CACNG2: variants seen among roughly 807,000 people sequenced by gnomAD.
CACNG2 encodes the protein voltage-dependent calcium channel gamma-2 subunit.
In CACNG2, 3 loss-of-function variants were observed where a neutral mutation model predicts 25.9. The ratio of observed to expected loss-of-function variants is 0.12; its 90% CI spans 0.05 to 0.30. CACNG2 has a LOEUF of 0.30. CACNG2 is among the 10% of genes least tolerant of loss of function. CACNG2 has a pLI of 1.00. For synonymous variants in CACNG2, 167 were observed against 173.3 expected, an observed-to-expected ratio of 0.96 and a Z score of 0.29; for missense variants, 341 against 432.5, an observed-to-expected ratio of 0.79 and a Z score of 1.88.
intron 1 of CACNG2, among the ~76,000 whole-genome samples, chr22:36,670,195 G>A (rs1700603710): frequency 6.6e-6 from 1 of 152,156 alleles, no homozygotes; most frequent in South Asian, 2.1e-4. Flanking sequence ...TGGATGCTGG[G>A]CTAGATGCAG....
chr22:36,614,595 C>G (rs1231610086), intron 1 of CACNG2, among the ~76,000 whole-genome samples: 1 of 152,134 alleles, frequency 6.6e-6, no homozygotes, highest in Non-Finnish European at 1.5e-5. Flanking sequence ...GCCTGTCCAC[C>G]CTCTCATGTT....
chr22:36,686,559 C>G (rs1046083142), intron 1 of CACNG2, among the ~76,000 whole-genome samples: 2 of 152,176 alleles, frequency 1.3e-5, no homozygotes, highest in Non-Finnish European at 2.9e-5. Flanking sequence ...TATCCACCCT[C>G]AAAGAGGCAG....
intron 1 of CACNG2, among the ~76,000 whole-genome samples, chr22:36,618,686 T>G (rs1936061704): frequency 6.6e-6 from 1 of 152,156 alleles, no homozygotes; most frequent in Admixed American, 6.5e-5. Flanking sequence ...TTTGGGAGGC[T>G]GAGGCGAGCG....
chr22:36,592,939 CGCCCA>C (rs1204252912), intron 1 of CACNG2, among the ~76,000 whole-genome samples: 1 of 152,176 alleles, frequency 6.6e-6, no homozygotes, highest in Non-Finnish European at 1.5e-5. Flanking sequence ...CAGTGGTGTG[CGCCCA>C]GCCCAGCCCA....
chr22:36,633,913 G>A (rs1936315195), intron 1 of CACNG2, among the ~76,000 whole-genome samples: 1 of 152,078 alleles, frequency 6.6e-6, no homozygotes, highest in African/African-American at 2.4e-5. Context: ...TTTGGAATTG[G>A]GTTATACATG....
chr22:36,568,458 G>A (rs1294987778), intron 2 of CACNG2, among the ~76,000 whole-genome samples: 1 of 152,106 alleles, frequency 6.6e-6, no homozygotes, highest in Middle Eastern at 3.2e-3. Flanking sequence ...AGGCTGGAGT[G>A]TAGTGGTGTG....
rs560781288 is a variant in CACNG2 at position 36,660,385 on chromosome 22, C to A, written c.211+41981G>T. On this transcript the variant is annotated intron_variant, in intron 1 of 3. Transcript: ENST00000300105. ...CCGGCTTCAGCCCTCCAGTGCCAGG[C>A]GCGCACAGGCATATGTCACATTTCA... is the stretch of plus-strand genomic sequence containing the variant. 2.0e-5 allele frequency among the ~76,000 whole-genome samples: 3 copies of A among 152,380 alleles called. No homozygotes were observed. The East Asian group carries it at 5.8e-4, about 29-fold the overall frequency.
intron 1 of CACNG2, among the ~76,000 whole-genome samples, chr22:36,595,644 T>C (rs1221332948): frequency 6.6e-6 from 1 of 151,770 alleles, no homozygotes; most frequent in Non-Finnish European, 1.5e-5. Flanking sequence ...TGGAGTGGAG[T>C]GCAGGGGTCT....
chr22:36,561,799 C>A lies in CACNG2; in HGVS notation c.*2552G>T, dbSNP rs1384649603. ...TCAGTCTGAACTGGCCCTTGTCACT[C>A]TGGGGAAGAAAGGGGAGAAACACAG... On this transcript the variant is annotated 3_prime_UTR_variant, in exon 4 of 4. Transcript: ENST00000300105. 6.6e-6 allele frequency: 1 copy of A among 152,316 alleles called. No individual in the cohort carries two copies. The highest frequency in any genetic ancestry group is 1.5e-5 in the Non-Finnish European group (1 of 68,114). The allele number at this position is 152,316 out of a possible 1,614,324, so 9.4% of individuals were successfully genotyped here.
At chr22:36,614,349 TCATTTC>T (rs150660699) in intron 1 of CACNG2, among the ~76,000 whole-genome samples, 71 of 152,240 alleles carry the variant, frequency 4.7e-4, no homozygotes, top group African/African-American at 1.6e-3. Context: ...AGTTTACACA[TCATTTC>T]CTTGAGGAAG....
intron 1 of CACNG2, among the ~76,000 whole-genome samples, chr22:36,692,271 T>C (rs912328435): frequency 1.4e-4 from 21 of 152,190 alleles, no homozygotes; most frequent in African/African-American, 5.1e-4. Flanking sequence ...GCATGCTTGT[T>C]AGCCGAAGGA....
chr22:36,565,008 C>A lies in CACNG2; in HGVS notation c.437-122G>T. 4 of 826,456 alleles carry A rather than the reference C, an allele frequency of 4.8e-6. No individual in the cohort carries two copies. The South Asian group carries it at 5.6e-5, about 12-fold the overall frequency. The allele number at this position is 826,456 out of a possible 1,614,324, so 51.2% of individuals were successfully genotyped here. On this transcript the variant is annotated intron_variant, in intron 3 of 3. Coordinates refer to ENST00000300105, the MANE Select transcript of CACNG2 (RefSeq NM_006078.5). ...TGTGTGGGCCTTCCCCGGTCCCGCG[C>A]CTTCATGAACAGGTGGGGCGGTGTA...
chr22:36,583,333 T>C (rs1935450975), intron 2 of CACNG2, among the ~76,000 whole-genome samples: 2 of 151,444 alleles, frequency 1.3e-5, no homozygotes, highest in African/African-American at 2.4e-5. Context: ...CTCAGGAGGC[T>C]GAGGCAGGAG....
rs151140344 is a variant in CACNG2, at chr22:36,655,515, A to G, written c.211+46851T>C. The stretch of plus-strand genomic sequence containing the variant: ...CCATGGCCTCAAGGTTATGCAGAAT[A>G]GGGACCAACTGTGTTTTATCGCCCT... On this transcript the variant is annotated intron_variant, in intron 1 of 3. Coordinates refer to ENST00000300105, the MANE Select transcript of CACNG2 (RefSeq NM_006078.5). 3.2e-3 allele frequency among the ~76,000 whole-genome samples: 493 copies of G among 152,330 alleles called. 2 individuals carry two copies. The highest frequency in any genetic ancestry group is 5.6e-3 in the Admixed American group (86 of 15,302).
chr22:36,679,532 A>G (rs890741135), intron 1 of CACNG2, among the ~76,000 whole-genome samples: 1 of 152,204 alleles, frequency 6.6e-6, no homozygotes, highest in Non-Finnish European at 1.5e-5. Flanking sequence ...ATGCATATGA[A>G]ATCTACTAAA....
intron 1 of CACNG2, among the ~76,000 whole-genome samples, chr22:36,661,567 C>T (rs11913141): frequency 0.024 from 3,712 of 152,264 alleles, 150 homozygotes; most frequent in African/African-American, 0.085. Context: ...TCCTGTCATC[C>T]CAAATCTGTT....
intron 1 of CACNG2, among the ~76,000 whole-genome samples, chr22:36,685,532 G>A (rs748529775): frequency 4.1e-4 from 62 of 152,062 alleles, no homozygotes; most frequent in Non-Finnish European, 7.6e-4. Flanking sequence ...CACACCACAC[G>A]TTCTGCCTCT....
At chr22:36,611,283 C>T (rs183367144) in intron 1 of CACNG2, among the ~76,000 whole-genome samples, 14 of 152,228 alleles carry the variant, frequency 9.2e-5, no homozygotes, top group African/African-American at 2.9e-4. Flanking sequence ...TGGAGGGTCC[C>T]GGCCCATTCT....
At chr22:36,576,373 G>C (rs1369251326) in intron 2 of CACNG2, among the ~76,000 whole-genome samples, 1 of 152,106 alleles carries the variant, frequency 6.6e-6, no homozygotes, top group Admixed American at 6.5e-5. Flanking sequence ...TGGGGATTCA[G>C]GGGGAAAGGG....
Sources: gnomAD v4.1 joint callset for allele counts (sites outside exome capture counted in the v4.1 genomes callset) on GRCh38, gnomAD v4.1.1 for gene constraint, MANE v1.5 for transcripts, NCBI Gene and HGNC (gene_info 2026-07-23, HGNC 2026-07-21) for gene names.